The following HELLS variants were observed in gnomAD, a reference collection of about 807,000 sequenced individuals.
The protein encoded by HELLS is lymphoid-specific helicase.
Under a neutral mutation model 120.0 loss-of-function variants are expected in HELLS, and 32 were observed. The observed-to-expected ratio is 0.27, with a 90% CI of 0.20 to 0.36. HELLS has a LOEUF of 0.36. HELLS is among the 10% of genes least tolerant of loss of function. HELLS has a pLI of 1.00. For synonymous variants in HELLS, 341 were observed against 323.4 expected, an observed-to-expected ratio of 1.05 and a Z score of -0.58; for missense variants, 650 against 993.4, an observed-to-expected ratio of 0.65 and a Z score of 4.65.
chr10:94,589,365 A>G (rs74150836), intron 13 of HELLS, among the ~76,000 whole-genome samples: 1,819 of 152,334 alleles, frequency 0.012, 55 homozygotes, highest in African/African-American at 0.042. Context: ...GAGTGCTGAT[A>G]TGAAACTGAA....
chr10:94,574,751 CT>C lies in HELLS; in HGVS notation c.888+17del, dbSNP rs1350442023. 6.3e-7 allele frequency: 1 copy of C among 1,585,298 alleles called. No homozygotes were observed. Among genetic ancestry groups the C allele is most frequent in the East Asian group, 2.2e-5 (1 of 44,680 alleles). On this transcript the variant is annotated intron_variant, in intron 9 of 21. Transcript: ENST00000348459. ...TTACACCAGATGTAAGACATGCTTC[CT>C]TATGTTAAAATTATAATTTTACATG...
At position 94,592,331 on chromosome 10, in the gene HELLS, A is replaced by G. The variant is rs1165315455; in HGVS notation, c.1851+19A>G. On this transcript the variant is annotated intron_variant, in intron 16 of 21. Coordinates refer to ENST00000348459, the MANE Select transcript of HELLS (RefSeq NM_018063.5). ...TCACAAGGTGGTACTTTTGATTGGA[A>G]TTTTGGATTGTTCAATTATTTTTTT... is the stretch of plus-strand genomic sequence containing the variant. 1 of 1,592,360 alleles carries G rather than the reference A, an allele frequency of 6.3e-7. No homozygotes were observed. Among genetic ancestry groups the G allele is most frequent in the Admixed American group, 1.8e-5 (1 of 55,636 alleles).
At chr10:94,594,478 C>T (rs1039279963) in intron 18 of HELLS, among the ~76,000 whole-genome samples, 6 of 152,140 alleles carry the variant, frequency 3.9e-5, no homozygotes, top group Non-Finnish European at 1.5e-5. Flanking sequence ...CGTGCCCATC[C>T]TGAAATGTTT....
intron 8 of HELLS, 144 bp from the exon 9 acceptor site, chr10:94,574,410 T>A: frequency 1.4e-6 from 1 of 728,914 alleles, no homozygotes; most frequent in Non-Finnish European, 2.3e-6. Context: ...CTTTCCAGTG[T>A]TGTTATAATT....
chr10:94,580,185 A>ACATTTT (rs1491523737), intron 10 of HELLS, among the ~76,000 whole-genome samples: 1 of 69,378 alleles, frequency 1.4e-5, no homozygotes, highest in Non-Finnish European at 2.6e-5. Context: ...ACACACACAC[A>ACATTTT]TTTTTTTTTT....
intron 21 of HELLS, 71 bp from the exon 22 acceptor site, chr10:94,601,457 T>C (rs775445152): frequency 2.1e-4 from 174 of 828,410 alleles, no homozygotes; most frequent in Non-Finnish European, 3.2e-4. Context: ...TAACATCATA[T>C]TGGATGTTTC....
In HELLS at chr10:94,601,567, G is replaced by A. The variant is rs771903724; in HGVS notation, c.2462G>A (p.Gly821Glu). The A allele has an allele frequency of 6.3e-7, 1 of 1,586,084 alleles. No homozygotes were observed. Among genetic ancestry groups the A allele is most frequent in the African/African-American group, 1.3e-5 (1 of 74,142 alleles). Reference protein sequence around the residue: ...NASGPIKEKMGIFKILENSED... With the variant: ...NASGPIKEKMEIFKILENSED... ...TCAGGACCAATTAAAGAGAAGATGG[G>A]GATATTCAAGATATTAGAAAATTCT... Residue 821 changes from glycine to glutamate, a missense_variant, in exon 22 of 22, where the codon GGG becomes GAG. Around this residue, in one of 9 missense-constraint regions of HELLS, gnomAD observed 90 missense variants for 109.2 expected, o/e 0.82. Coordinates refer to ENST00000348459, the MANE Select transcript of HELLS (RefSeq NM_018063.5).
At chr10:94,556,147 C>T (rs1344818132) in intron 3 of HELLS, among the ~76,000 whole-genome samples, 3 of 152,156 alleles carry the variant, frequency 2.0e-5, no homozygotes, top group African/African-American at 7.2e-5. Flanking sequence ...GGGTATGGTG[C>T]TTTCACCCCG....
At chr10:94,546,209 A>G (rs1433717565) in intron 1 of HELLS, among the ~76,000 whole-genome samples, 168 bp from the exon 2 acceptor site, 3 of 152,076 alleles carry the variant, frequency 2.0e-5, no homozygotes, top group Non-Finnish European at 4.4e-5. Context: ...GGCGACTTGT[A>G]GACATTGTGA....
At chr10:94,554,387 C>A in intron 3 of HELLS, 139 bp downstream of exon 3, 1 of 554,166 alleles carries the variant, frequency 1.8e-6, no homozygotes, top group Non-Finnish European at 3.0e-6. Context: ...ATATATAGAT[C>A]TGTGTAACCA....
At position 94,581,473 on chromosome 10, in the gene HELLS, T is replaced by C. The variant is rs759860010; in HGVS notation, c.1180T>C (p.Trp394Arg). The C allele has an allele frequency of 6.2e-7, 1 of 1,612,238 alleles. No individual in the cohort carries two copies. Among genetic ancestry groups the C allele is most frequent in the Non-Finnish European group, 8.5e-7 (1 of 1,179,434 alleles). The change falls in exon 11 of 22, where the codon TGG becomes CGG. Residue 394 changes from tryptophan to arginine, a missense_variant. This residue lies in a region of HELLS where 48 missense variants were observed against 127.0 expected (regional missense o/e 0.38). Transcript: ENST00000348459. ...CTTGCAAAACAATTTATCAGAACTTTGGTCATTGCTAAACTTTTTGTTGCC... is the reference window on the plus strand; with the variant it reads ...CTTGCAAAACAATTTATCAGAACTTCGGTCATTGCTAAACTTTTTGTTGCC... Reference protein sequence around the residue: ...TPLQNNLSELWSLLNFLLPDV... With the variant: ...TPLQNNLSELRSLLNFLLPDV...
intron 17 of HELLS, 69 bp from the exon 18 acceptor site, chr10:94,593,430 A>G (rs1845587498): frequency 2.1e-6 from 2 of 951,656 alleles, no homozygotes; most frequent in Non-Finnish European, 3.4e-6. Context: ...AATTGAAAAC[A>G]TTTTTCTCCT....
At chr10:94,575,728 G>A (rs1844411748) in intron 9 of HELLS, among the ~76,000 whole-genome samples, 1 of 139,388 alleles carries the variant, frequency 7.2e-6, no homozygotes, top group Non-Finnish European at 1.5e-5. Flanking sequence ...GCCTATATGT[G>A]TTTTATGTAT....
intron 13 of HELLS, among the ~76,000 whole-genome samples, chr10:94,589,987 T>G (rs888630753): frequency 6.6e-6 from 1 of 152,136 alleles, no homozygotes; most frequent in African/African-American, 2.4e-5. Flanking sequence ...GTACCCGGCC[T>G]CTTCTCCCTT....
chr10:94,568,003 G>A (rs181129193), intron 6 of HELLS, among the ~76,000 whole-genome samples: 10 of 144,804 alleles, frequency 6.9e-5, no homozygotes, highest in Non-Finnish European at 1.0e-4. Flanking sequence ...TCCGCCTCCC[G>A]GGTTCAAGTG....
chr10:94,603,571 TA>T (rs1846090323), downstream of HELLS, among the ~76,000 whole-genome samples: 1 of 152,220 alleles, frequency 6.6e-6, no homozygotes, highest in South Asian at 2.1e-4. Flanking sequence ...GACTCAAATT[TA>T]TATCTCCAGC....
chr10:94,546,025 CG>C, intron 1 of HELLS, 73 bp downstream of exon 1: 1 of 1,523,382 alleles, frequency 6.6e-7, no homozygotes, highest in Non-Finnish European at 8.9e-7. Flanking sequence ...GAGGCTGCGG[CG>C]GAGTTTCGGG....
At chr10:94,599,830 A>G (rs981268225) in intron 21 of HELLS, among the ~76,000 whole-genome samples, 5 of 152,246 alleles carry the variant, frequency 3.3e-5, no homozygotes, top group African/African-American at 9.6e-5. Context: ...ACAATTTTTA[A>G]CATGTTTATA....
Position 94,574,074 on chromosome 10 carries a change from T to A in HELLS, c.592T>A (p.Phe198Ile), listed in dbSNP as rs1171041972. The A allele has an allele frequency of 6.2e-7, 1 of 1,613,536 alleles. No individual in the cohort carries two copies. Among genetic ancestry groups the A allele is most frequent in the Non-Finnish European group, 8.5e-7 (1 of 1,179,474 alleles). ...AACGGTTAGGCAGAATACTAAATTCTTTTTTGACCCAGTCCGGAAGTGTAA... is the reference window on the plus strand; with the variant it reads ...AACGGTTAGGCAGAATACTAAATTCATTTTTGACCCAGTCCGGAAGTGTAA... ...SETVRQNTKF[F>I]FDPVRKCNGQ... is the part of the protein sequence containing the mutation. Residue 198 changes from phenylalanine (F) to isoleucine (I), a missense_variant, in exon 8 of 22, where the codon TTT becomes ATT. Coordinates refer to ENST00000348459, the MANE Select transcript of HELLS (RefSeq NM_018063.5).
Sources: gnomAD v4.1 joint callset for allele counts (sites outside exome capture counted in the v4.1 genomes callset) on GRCh38, gnomAD v4.1.1 for gene constraint, gnomAD v4.1.1 regional missense constraint, MANE v1.5 for transcripts, NCBI Gene and HGNC (gene_info 2026-07-23, HGNC 2026-07-21) for gene names.